BRINP1: variants seen among roughly 807,000 people sequenced by gnomAD.
The protein encoded by BRINP1 is BMP/retinoic acid-inducible neural-specific protein 1.
In BRINP1, 17 loss-of-function variants were observed where a neutral mutation model predicts 72.9. The observed-to-expected ratio is 0.23, with a 90% CI of 0.16 to 0.35. The LOEUF (loss-of-function observed/expected upper bound fraction) is 0.35, where lower values mean the gene tolerates loss of function less well. Among genes scored for constraint, BRINP1 ranks in the 10% least tolerant of loss-of-function variants. The pLI is 1.00. For synonymous variants in BRINP1, 418 were observed against 378.5 expected, an observed-to-expected ratio of 1.10 and a Z score of -1.21; for missense variants, 850 against 1,001.6, an observed-to-expected ratio of 0.85 and a Z score of 2.04.
chr9:119,309,881 A>G (rs1831043127), intron 2 of BRINP1, among the ~76,000 whole-genome samples: 1 of 152,170 alleles, frequency 6.6e-6, no homozygotes, highest in East Asian at 1.9e-4. Flanking sequence ...ATGTTAGCGA[A>G]CAGTAGTACA....
At position 119,166,833 on chromosome 9, in the gene BRINP1, T is replaced by TC. The variant is rs1829318192; in HGVS notation, c.*250dup. 2.4e-6 allele frequency: 1 copy of TC among 423,978 alleles called. No individual in the cohort carries two copies. Among genetic ancestry groups the TC allele is most frequent in the Non-Finnish European group, 4.2e-6 (1 of 237,034 alleles). The allele number at this position is 423,978 out of a possible 1,614,324, so 26.3% of individuals were successfully genotyped here. ...CAGCACCTGAGGCCTAAGAAGCAACTCCCTCAATGCTCCACAAAAGGCTGA... is the reference window on the plus strand; with the variant it reads ...CAGCACCTGAGGCCTAAGAAGCAACTCCCCTCAATGCTCCACAAAAGGCTGA... On this transcript the variant is annotated 3_prime_UTR_variant, in exon 8 of 8. Transcript: ENST00000265922.
intron 5 of BRINP1, among the ~76,000 whole-genome samples, chr9:119,217,003 G>A (rs181286008): frequency 1.3e-5 from 2 of 152,136 alleles, no homozygotes; most frequent in Admixed American, 6.5e-5. Context: ...GGGCAATTTC[G>A]AAAGAGAACA....
intron 7 of BRINP1, among the ~76,000 whole-genome samples, chr9:119,208,488 CAG>C (rs1829882884): frequency 6.6e-6 from 1 of 152,136 alleles, no homozygotes; most frequent in South Asian, 2.1e-4. Flanking sequence ...AGACAGAACA[CAG>C]AGGCTGAAAA....
At chr9:119,300,275 T>C (rs1043298271) in intron 2 of BRINP1, among the ~76,000 whole-genome samples, 13 of 152,030 alleles carry the variant, frequency 8.6e-5, no homozygotes, top group East Asian at 1.9e-4. Context: ...GTACAAAAAA[T>C]AGAAAAAATT....
intron 7 of BRINP1, among the ~76,000 whole-genome samples, chr9:119,181,254 A>C (rs1267781256): frequency 6.6e-6 from 1 of 152,152 alleles, no homozygotes; most frequent in Non-Finnish European, 1.5e-5. Flanking sequence ...AAAGCTATGA[A>C]ATAAGAGGGG....
rs1324600331 is a variant in BRINP1 at position 119,213,699 on chromosome 9, G to C, written c.922+220C>G. 4.9e-6 allele frequency: 3 copies of C among 618,462 alleles called. No homozygotes were observed. In the African/African-American group the frequency reaches 5.5e-5, roughly 11 times the overall value. 38.3% of individuals were successfully genotyped at this position (618,462 alleles called of 1,614,324 possible). ...GTACGACAGAAACAATACATCATATGACCACAAACTGGATTATGCTATTCA... is the reference window on the plus strand; with the variant it reads ...GTACGACAGAAACAATACATCATATCACCACAAACTGGATTATGCTATTCA... On this transcript the variant is annotated intron_variant, in intron 6 of 7. Coordinates refer to ENST00000265922, the MANE Select transcript of BRINP1 (RefSeq NM_014618.3).
At chr9:119,245,000 C>T (rs910723294) in intron 3 of BRINP1, among the ~76,000 whole-genome samples, 2 of 152,202 alleles carry the variant, frequency 1.3e-5, no homozygotes, top group Admixed American at 6.5e-5. Context: ...GGACTTTAGC[C>T]CTCTGGGACA....
At chr9:119,342,016 C>T (rs1009582894) in intron 1 of BRINP1, among the ~76,000 whole-genome samples, 14 of 152,100 alleles carry the variant, frequency 9.2e-5, no homozygotes, top group Admixed American at 9.2e-4. Flanking sequence ...GATCTGCCCC[C>T]CTCGGTCACC....
rs1434400669 is a variant in BRINP1 at position 119,167,033 on chromosome 9, T to C, written c.*51A>G. The C allele has an allele frequency of 6.7e-7, 1 of 1,494,750 alleles. No individual in the cohort carries two copies. The highest frequency in any genetic ancestry group is 9.0e-7 in the Non-Finnish European group (1 of 1,113,592). The allele number at this position is 1,494,750 out of a possible 1,614,324, so 92.6% of individuals were successfully genotyped here. ...TTTGTTTTGTTTTGCTTCATTTTGT[T>C]CTGTTGTGTGTGTACAACAACAGGA... On this transcript the variant is annotated 3_prime_UTR_variant, in exon 8 of 8. Transcript: ENST00000265922. The surrounding 1 kb of genome is among the most constrained non-coding windows in gnomAD (Gnocchi z 4.3).
At chr9:119,313,070 C>T (rs1047201991) in intron 2 of BRINP1, 68 bp downstream of exon 2, 4 of 1,525,196 alleles carry the variant, frequency 2.6e-6, no homozygotes, top group Non-Finnish European at 3.6e-6. Context: ...AGGTTTGCAC[C>T]AATCAACGCC....
intron 7 of BRINP1, among the ~76,000 whole-genome samples, chr9:119,177,191 A>T (rs981406592): frequency 1.3e-5 from 2 of 151,942 alleles, no homozygotes; most frequent in South Asian, 4.2e-4. Context: ...ACAAACTTCT[A>T]CCTCTCCCCT....
At chr9:119,319,995 A>G (rs1831169188) in intron 1 of BRINP1, among the ~76,000 whole-genome samples, 1 of 152,252 alleles carries the variant, frequency 6.6e-6, no homozygotes, top group East Asian at 1.9e-4. Flanking sequence ...ATGAAGTCCA[A>G]CGGAGGAATG....
intron 1 of BRINP1, among the ~76,000 whole-genome samples, chr9:119,314,715 G>T (rs901731495): frequency 1.3e-5 from 2 of 152,086 alleles, no homozygotes; most frequent in African/African-American, 4.8e-5. Context: ...AATCCACTTT[G>T]TATCTGTTAG....
intron 7 of BRINP1, among the ~76,000 whole-genome samples, chr9:119,201,958 C>T (rs768621238): frequency 3.3e-5 from 5 of 151,988 alleles, no homozygotes; most frequent in South Asian, 2.1e-4. Flanking sequence ...CCCTCCCTTC[C>T]GTCCTTCCTT....
At chr9:119,349,504 AG>A (rs1275885209) in intron 1 of BRINP1, among the ~76,000 whole-genome samples, 1 of 152,220 alleles carries the variant, frequency 6.6e-6, no homozygotes, top group Non-Finnish European at 1.5e-5. Context: ...ATGCGTTACA[AG>A]GAAGATGGAT....
At chr9:119,333,233 G>T (rs1043743576) in intron 1 of BRINP1, among the ~76,000 whole-genome samples, 1 of 151,794 alleles carries the variant, frequency 6.6e-6, no homozygotes, top group Non-Finnish European at 1.5e-5. Context: ...GGCTGAGGAA[G>T]GTGGATTTTC....
intron 3 of BRINP1, among the ~76,000 whole-genome samples, chr9:119,248,582 T>C (rs1237022258): frequency 6.6e-6 from 1 of 152,238 alleles, no homozygotes; most frequent in Non-Finnish European, 1.5e-5. Flanking sequence ...TTTATCAGTC[T>C]CTAAAGTAGA....
chr9:119,332,690 A>G (rs2119013781), intron 1 of BRINP1, among the ~76,000 whole-genome samples: 1 of 152,306 alleles, frequency 6.6e-6, no homozygotes, highest in Middle Eastern at 3.4e-3. Context: ...TCTCGAGCTA[A>G]CATGACTCAG....
rs1256593093 is a variant in BRINP1 at position 119,167,441 on chromosome 9, G to A, written c.1929C>T (p.Pro643=). 17 of 1,613,966 alleles carry A rather than the reference G, an allele frequency of 1.1e-5. No individual in the cohort carries two copies. The highest frequency in any genetic ancestry group is 1.4e-5 in the Non-Finnish European group (17 of 1,180,002). ...TCTTGATGTAGAACTGCCTCTTGGA[G>A]GGATCCGACAGGTCCACGGGGCCCT... ...TGQGPVDLSD[P]SKRQFYIKIS... The change falls in exon 8 of 8, where the codon CCC becomes CCT. Residue 643 remains proline, a synonymous_variant. Transcript: ENST00000265922. This position sits in a 1 kb window ranked among gnomAD's most constrained non-coding sequence, Gnocchi z 4.3.
Sources: allele counts gnomAD v4.1 joint callset (sites outside exome capture counted in the v4.1 genomes callset), GRCh38; gene constraint gnomAD v4.1.1; non-coding constraint Gnocchi (gnomAD v3.1); transcripts MANE v1.5; gene names NCBI Gene and HGNC (gene_info 2026-07-23, HGNC 2026-07-21).